Variants in TUSC3 observed in about 807,000 individuals in gnomAD.
TUSC3 encodes tumor suppressor candidate 3.
TUSC3 carries 45 observed loss-of-function variants against 44.8 expected under a neutral mutation model. That is an observed-to-expected ratio of 1.00 (90% CI 0.79 to 1.29). The LOEUF is 1.29. Among genes scored for constraint, TUSC3 ranks in the 50% most tolerant of loss-of-function variants. TUSC3 has a pLI of 0.00. For synonymous variants in TUSC3, 212 were observed against 152.9 expected, an observed-to-expected ratio of 1.39 and a Z score of -2.85; for missense variants, 519 against 437.9, an observed-to-expected ratio of 1.19 and a Z score of -1.65.
At chr8:15,465,169 T>C (rs1415249152) in intron 1 of TUSC3, among the ~76,000 whole-genome samples, 6 of 152,236 alleles carry the variant, frequency 3.9e-5, no homozygotes, top group African/African-American at 1.4e-4. Context: ...TACAAATGTC[T>C]GCTTTAGAGA....
chr8:15,553,339 C>T (rs1270025124), intron 1 of TUSC3, among the ~76,000 whole-genome samples: 1 of 151,504 alleles, frequency 6.6e-6, no homozygotes, highest in African/African-American at 2.4e-5. Flanking sequence ...TCAAAGATAC[C>T]AATATTTTGG....
At chr8:15,807,403 C>A in the TUSC3 span, 1 of 260,138 alleles carries the variant, frequency 3.8e-6, no homozygotes, top group Non-Finnish European at 7.3e-6. Context: ...TGCTTATACA[C>A]TGTTGGTGGG....
chr8:15,677,215 G>A lies in TUSC3; in HGVS notation c.798+3379G>A, dbSNP rs1382147632. On this transcript the variant is annotated intron_variant, in intron 6 of 10. Coordinates refer to ENST00000503731, the MANE Select transcript of TUSC3 (RefSeq NM_006765.4). ...GGGTCTCACTGTGTTGTCCAGGGTG[G>A]TCTTGAACTCCTGGACTCAAGCAGC... Among the ~76,000 whole-genome samples the A allele has an allele frequency of 1.8e-4, 27 of 151,990 alleles. 1 individual carries two copies. The highest frequency in any genetic ancestry group is 1.8e-3 in the Admixed American group (27 of 15,246).
upstream of TUSC3, among the ~76,000 whole-genome samples, chr8:15,535,318 G>C (rs539151270): frequency 6.6e-6 from 1 of 152,134 alleles, no homozygotes; most frequent in African/African-American, 2.4e-5. Flanking sequence ...CAAGAGTTTG[G>C]ACCTCCTTTT....
chr8:15,846,462 A>G, the TUSC3 span, among the ~76,000 whole-genome samples: 3 of 152,168 alleles, frequency 2.0e-5, no homozygotes, highest in Admixed American at 6.6e-5. Context: ...AAAGACTTAG[A>G]ACCATCAATG....
chr8:15,629,637 C>T (rs373979464), intron 2 of TUSC3, among the ~76,000 whole-genome samples: 44 of 148,454 alleles, frequency 3.0e-4, no homozygotes, highest in African/African-American at 9.9e-4. Flanking sequence ...GTAACACTGC[C>T]GTAATCTTTA....
intron 10 of TUSC3, among the ~76,000 whole-genome samples, chr8:15,761,353 G>A (rs531681779): frequency 6.6e-6 from 1 of 152,242 alleles, no homozygotes; most frequent in South Asian, 2.1e-4. Flanking sequence ...CATCCCTGAT[G>A]GACTTTAAGC....
the TUSC3 span, chr8:15,806,870 A>G: frequency 1.7e-6 from 2 of 1,144,330 alleles, no homozygotes; most frequent in Non-Finnish European, 2.6e-6. Context: ...TAATGAAATA[A>G]TTATGTTGGG....
the TUSC3 span, among the ~76,000 whole-genome samples, chr8:15,818,082 G>A: frequency 6.6e-6 from 1 of 152,188 alleles, no homozygotes; most frequent in Non-Finnish European, 1.5e-5. Context: ...GGACCTTGGA[G>A]AAGAGCAGAG....
rs369753796 is a variant in TUSC3 at position 15,720,201 on chromosome 8, T to TATACACAC, written c.799-10464_799-10463insTACACACA. On this transcript the variant is annotated intron_variant, in intron 6 of 10. Coordinates refer to ENST00000503731, the MANE Select transcript of TUSC3 (RefSeq NM_006765.4). ...TTGTTAAATATAGTGTATATATATA[T>TATACACAC]ACACACACACACACACACACACACA... Among the ~76,000 whole-genome samples, 266 of 141,690 alleles carry TATACACAC rather than the reference T, an allele frequency of 1.9e-3. 2 individuals carry two copies. Among genetic ancestry groups the TATACACAC allele is most frequent in the African/African-American group, 4.4e-3 (163 of 37,096 alleles). The allele number at this position is 141,690 out of a possible 152,430, so 93.0% of individuals were successfully genotyped here.
chr8:15,838,666 T>C, the TUSC3 span, among the ~76,000 whole-genome samples: 2 of 152,160 alleles, frequency 1.3e-5, no homozygotes, highest in Admixed American at 6.5e-5. Context: ...CAGATGGTTG[T>C]AGATGTGTGG....
At chr8:15,611,783 T>G (rs941403879) in intron 1 of TUSC3, among the ~76,000 whole-genome samples, 3 of 152,328 alleles carry the variant, frequency 2.0e-5, no homozygotes, top group African/African-American at 7.2e-5. Flanking sequence ...TCTGATTTTT[T>G]GGTTCCTAGA....
intron 2 of TUSC3, among the ~76,000 whole-genome samples, chr8:15,507,929 A>G (rs1465982256): frequency 1.3e-5 from 2 of 152,162 alleles, no homozygotes; most frequent in Non-Finnish European, 2.9e-5. Flanking sequence ...TTGAGCCAAA[A>G]TAACGAAAGA....
intron 1 of TUSC3, among the ~76,000 whole-genome samples, chr8:15,604,098 G>A (rs560049245): frequency 6.6e-6 from 1 of 151,800 alleles, no homozygotes; most frequent in Admixed American, 6.6e-5. Context: ...GCGTCAATAT[G>A]CAGAGGTTTC....
intron 1 of TUSC3, among the ~76,000 whole-genome samples, chr8:15,586,340 C>A (rs111698218): frequency 2.6e-5 from 4 of 151,924 alleles, no homozygotes; most frequent in Non-Finnish European, 4.4e-5. Context: ...GGAACAACAC[C>A]GTTAACTTGA....
chr8:15,834,522 T>G, the TUSC3 span, among the ~76,000 whole-genome samples: 1 of 152,190 alleles, frequency 6.6e-6, no homozygotes, highest in African/African-American at 2.4e-5. Context: ...TATTGCAAGG[T>G]AAGTGCCTAT....
At chr8:15,655,566 C>A (rs906725071) in intron 3 of TUSC3, among the ~76,000 whole-genome samples, 5 of 152,284 alleles carry the variant, frequency 3.3e-5, no homozygotes, top group East Asian at 1.9e-4. Flanking sequence ...GCCCACCTGG[C>A]CTTCCTCCAA....
rs1472024315 is a variant in TUSC3, at chr8:15,631,788, C to T, written c.308+8539C>T. On this transcript the variant is annotated intron_variant, in intron 2 of 10. Coordinates refer to ENST00000503731, the MANE Select transcript of TUSC3 (RefSeq NM_006765.4). ...TGGCGCGATCATGGCTCACTACAACCTCTGCCTCACGGGTTCAAGCGATTC... is the reference window on the plus strand; with the variant it reads ...TGGCGCGATCATGGCTCACTACAACTTCTGCCTCACGGGTTCAAGCGATTC... 2.6e-5 allele frequency among the ~76,000 whole-genome samples: 4 copies of T among 151,978 alleles called. No individual in the cohort carries two copies. In the East Asian group the frequency reaches 7.8e-4, roughly 29 times the overall value.
chr8:15,473,092 C>G (rs557424903), intron 1 of TUSC3, among the ~76,000 whole-genome samples: 55 of 152,246 alleles, frequency 3.6e-4, no homozygotes, highest in Non-Finnish European at 6.3e-4. Context: ...GCCTGTGTTT[C>G]TCATTCTTTT....
Sources: allele counts gnomAD v4.1 joint callset (sites outside exome capture counted in the v4.1 genomes callset), GRCh38; gene constraint gnomAD v4.1.1; transcripts MANE v1.5; gene names NCBI Gene and HGNC (gene_info 2026-07-23, HGNC 2026-07-21).